Variants in NAALADL2 observed in about 807,000 individuals in gnomAD.
NAALADL2 encodes N-acetylated alpha-linked acidic dipeptidase like 2.
A neutral mutation model predicts 87.2 loss-of-function variants in NAALADL2; 76 were observed. The observed-to-expected ratio is 0.87, with a 90% CI of 0.72 to 1.05. NAALADL2 has a LOEUF of 1.05. Ranked by LOEUF, NAALADL2 falls within the 50% of genes least tolerant of loss-of-function variation. The pLI, the probability that NAALADL2 is intolerant of heterozygous loss-of-function variation, is 0.00. For missense variants in NAALADL2, 1,089 were observed against 945.8 expected, an observed-to-expected ratio of 1.15 and a Z score of -1.99; for synonymous variants, 354 against 331.0, an observed-to-expected ratio of 1.07 and a Z score of -0.75.
intron 3 of NAALADL2, among the ~76,000 whole-genome samples, chr3:174,749,200 A>G (rs540780492): frequency 6.6e-6 from 1 of 152,128 alleles, no homozygotes; most frequent in Non-Finnish European, 1.5e-5. Context: ...AGTTACATGT[A>G]TCTTTCCATA....
intron 9 of NAALADL2, among the ~76,000 whole-genome samples, chr3:175,480,924 G>A (rs1049613979): frequency 3.3e-5 from 5 of 151,828 alleles, no homozygotes; most frequent in Non-Finnish European, 5.9e-5. Context: ...TGTAAAAAGT[G>A]TATAAACTAT....
chr3:175,612,077 T>C (rs1724722449), intron 10 of NAALADL2, among the ~76,000 whole-genome samples: 1 of 152,132 alleles, frequency 6.6e-6, no homozygotes, highest in Non-Finnish European at 1.5e-5. Context: ...TAGAAATACA[T>C]AGAAAAATAA....
intron 1 of NAALADL2, among the ~76,000 whole-genome samples, chr3:174,908,442 T>A (rs1733251219): frequency 6.6e-6 from 1 of 152,110 alleles, no homozygotes; most frequent in African/African-American, 2.4e-5. Context: ...TTATAAGCCA[T>A]CAGTCAACGA....
intron 2 of NAALADL2, among the ~76,000 whole-genome samples, chr3:175,109,658 G>C (rs929489083): frequency 9.9e-5 from 15 of 151,846 alleles, no homozygotes; most frequent in Admixed American, 6.6e-4. Context: ...AACACTTACT[G>C]TGCTCTATGA....
intron 5 of NAALADL2, among the ~76,000 whole-genome samples, chr3:175,406,938 T>A (rs1474914020): frequency 1.3e-5 from 2 of 152,118 alleles, no homozygotes; most frequent in Non-Finnish European, 2.9e-5. Flanking sequence ...CCCAGCACTT[T>A]GGGAGGCTGA....
intron 1 of NAALADL2, among the ~76,000 whole-genome samples, chr3:174,985,642 G>T (rs1745752817): frequency 6.6e-6 from 1 of 152,070 alleles, no homozygotes. Context: ...TTGAAACAAG[G>T]TATATTTTCT....
At chr3:175,634,313 T>A in intron 11 of NAALADL2, among the ~76,000 whole-genome samples, 1 of 151,796 alleles carries the variant, frequency 6.6e-6, no homozygotes, top group East Asian at 1.9e-4. Flanking sequence ...AAAATATAAA[T>A]CTGAATTATT....
intron 1 of NAALADL2, among the ~76,000 whole-genome samples, chr3:174,876,812 C>T (rs1728564479): frequency 6.6e-6 from 1 of 152,080 alleles, no homozygotes; most frequent in Admixed American, 6.6e-5. Context: ...TCTTAGTTGG[C>T]TTGGGCTGCT....
chr3:175,157,344 T>C (rs1732478197), intron 2 of NAALADL2, among the ~76,000 whole-genome samples: 1 of 152,114 alleles, frequency 6.6e-6, no homozygotes, highest in Non-Finnish European at 1.5e-5. Context: ...AAGTATTTTT[T>C]CTATTTTACA....
intron 2 of NAALADL2, among the ~76,000 whole-genome samples, chr3:174,609,692 A>G (rs1230365442): frequency 6.6e-6 from 1 of 152,200 alleles, no homozygotes; most frequent in Admixed American, 6.5e-5. Flanking sequence ...GGAACATTCC[A>G]TTCTCATGGG....
At chr3:174,449,586 G>A (rs1715327377) in intron 1 of NAALADL2, among the ~76,000 whole-genome samples, 1 of 152,144 alleles carries the variant, frequency 6.6e-6, no homozygotes, top group Admixed American at 6.5e-5. Context: ...CAGTATAAAT[G>A]TATTGTCAAA....
chr3:174,861,722 A>G (rs1726531443), intron 1 of NAALADL2, among the ~76,000 whole-genome samples: 1 of 152,010 alleles, frequency 6.6e-6, no homozygotes, highest in African/African-American at 2.4e-5. Flanking sequence ...TCACTGAATG[A>G]TCTCTAGTTA....
rs946580162 is a variant in NAALADL2 at position 174,868,066 on chromosome 3, G to T, written c.43+8616G>T. On this transcript the variant is annotated intron_variant, in intron 1 of 13. Transcript: ENST00000454872. ...TGGTAACAGGAGGCTAATTTCAAAG[G>T]CTTCAGACATAATGCTAAGGTACTA... is the stretch of plus-strand genomic sequence containing the variant. 2.0e-5 allele frequency among the ~76,000 whole-genome samples: 3 copies of T among 152,006 alleles called. No individual in the cohort carries two copies. The South Asian group carries it at 6.2e-4, about 31-fold the overall frequency.
intron 1 of NAALADL2, among the ~76,000 whole-genome samples, chr3:174,950,662 T>G (rs1740207713): frequency 6.6e-6 from 1 of 152,066 alleles, no homozygotes; most frequent in Non-Finnish European, 1.5e-5. Context: ...AATAGTAAGG[T>G]TGTGCACAAC....
intron 1 of NAALADL2, among the ~76,000 whole-genome samples, chr3:174,993,725 A>T (rs1460406122): frequency 6.6e-6 from 1 of 152,192 alleles, no homozygotes; most frequent in Non-Finnish European, 1.5e-5. Flanking sequence ...GCTTCCCAGG[A>T]TTGTGAAAAC....
In NAALADL2 at chr3:175,698,467, A is replaced by ATG. The variant is rs1311771827; in HGVS notation, c.1897-38833_1897-38832dup. On this transcript the variant is annotated intron_variant, in intron 11 of 13. Coordinates refer to ENST00000454872, the MANE Select transcript of NAALADL2 (RefSeq NM_207015.3). Reference sequence around the variant, plus strand: ...TGTATGTATACATATATGTGTATATATGTGTGTATATATATTTATATATAT... The same window carrying ATG: ...TGTATGTATACATATATGTGTATATATGTGTGTGTATATATATTTATATATAT... Among the ~76,000 whole-genome samples the ATG allele has an allele frequency of 5.5e-5, 7 of 126,568 alleles. 1 individual carries two copies. Among genetic ancestry groups the ATG allele is most frequent in the South Asian group, 2.3e-4 (1 of 4,410 alleles). The allele number at this position is 126,568 out of a possible 152,430, so 83.0% of individuals were successfully genotyped here. A position where few individuals can be genotyped will look rare whatever the true frequency, so the allele number is the denominator to read the frequency against.
At chr3:175,033,077 T>C (rs1752980654) in intron 1 of NAALADL2, among the ~76,000 whole-genome samples, 1 of 151,850 alleles carries the variant, frequency 6.6e-6, no homozygotes, top group African/African-American at 2.4e-5. Context: ...ACATCTTTTG[T>C]TCCTCAAAGC....
chr3:175,234,472 G>C (rs1156817900), intron 3 of NAALADL2, among the ~76,000 whole-genome samples: 1 of 152,112 alleles, frequency 6.6e-6, no homozygotes, highest in Non-Finnish European at 1.5e-5. Flanking sequence ...TGTCCATATA[G>C]TGCAAGTCTA....
chr3:175,256,838 T>G, intron 4 of NAALADL2: 3 of 173,440 alleles, frequency 1.7e-5, no homozygotes, highest in East Asian at 1.5e-4. Context: ...TAATGGTACC[T>G]ATCTGGAATA....
Sources: allele counts gnomAD v4.1 joint callset (sites outside exome capture counted in the v4.1 genomes callset), GRCh38; gene constraint gnomAD v4.1.1; transcripts MANE v1.5; gene names NCBI Gene and HGNC (gene_info 2026-07-23, HGNC 2026-07-21).